The following IL12RB2 variants were observed in gnomAD, a reference collection of about 807,000 sequenced individuals.
The protein encoded by IL12RB2 is interleukin 12 receptor subunit beta 2.
A neutral mutation model predicts 89.4 loss-of-function variants in IL12RB2; 82 were observed. That is an observed-to-expected ratio of 0.92 (90% confidence interval 0.77 to 1.10). The LOEUF (loss-of-function observed/expected upper bound fraction) is 1.10, where lower values mean the gene tolerates loss of function less well. Ranked by LOEUF, IL12RB2 falls within the 50% of genes least tolerant of loss-of-function variation. The pLI is 0.00. For synonymous variants in IL12RB2, 368 were observed against 370.1 expected (o/e 0.99, Z 0.07); for missense variants, 963 against 1,031.9 (o/e 0.93, Z 0.92).
Position 67,372,768 on chromosome 1 carries a change from C to A in IL12RB2, c.1702C>A (p.Gln568Lys). 6.2e-7 allele frequency: 1 copy of A among 1,608,322 alleles called. No homozygotes were observed. Among genetic ancestry groups the A allele is most frequent in the Non-Finnish European group, 8.5e-7 (1 of 1,174,754 alleles). The stretch of plus-strand genomic sequence containing the variant: ...CTGGAAGGAACGGGACTCCAACTCC[C>A]AGCCTCAGCTCTGTGGTATGTGTGA... ...IYWKERDSNSQPQLCEIPYRV... is the reference protein window; with the variant it reads ...IYWKERDSNSKPQLCEIPYRV... The change falls in exon 13 of 17, where the codon CAG becomes AAG. Residue 568 changes from glutamine to lysine, a missense_variant. Coordinates refer to ENST00000674203, the MANE Select transcript of IL12RB2 (RefSeq NM_001374259.2).
intron 13 of IL12RB2, among the ~76,000 whole-genome samples, chr1:67,379,773 T>C (rs907514623): frequency 1.3e-5 from 2 of 151,992 alleles, no homozygotes; most frequent in African/African-American, 4.8e-5. Flanking sequence ...AAAAAATAAT[T>C]TGTTTAATAT....
chr1:67,336,764 G>A (rs1658822296), intron 8 of IL12RB2, among the ~76,000 whole-genome samples: 1 of 152,218 alleles, frequency 6.6e-6, no homozygotes, highest in Admixed American at 6.5e-5. Flanking sequence ...GCAGAGCCAA[G>A]GCTATGGGCT....
chr1:67,318,349 G>A (rs954263907), intron 2 of IL12RB2, among the ~76,000 whole-genome samples: 1 of 152,132 alleles, frequency 6.6e-6, no homozygotes, highest in Non-Finnish European at 1.5e-5. Flanking sequence ...TGGTGTGCAG[G>A]GGGTAACATG....
chr1:67,324,716 C>T lies in IL12RB2; in HGVS notation c.365-2019C>T, dbSNP rs1418394485. Among the ~76,000 whole-genome samples the T allele has an allele frequency of 2.6e-5, 4 of 152,156 alleles. No individual in the cohort carries two copies. In the South Asian group the frequency reaches 8.3e-4, roughly 32 times the overall value. Reference sequence around the variant, plus strand: ...GACTCTCAGACCACCTGTGTGGAGTCTCTGAGAAAAGAGTAAACTATTTTA... The same window carrying T: ...GACTCTCAGACCACCTGTGTGGAGTTTCTGAGAAAAGAGTAAACTATTTTA... On this transcript the variant is annotated intron_variant, in intron 4 of 16. Transcript: ENST00000674203.
chr1:67,390,446 CAA>C (rs1162889376), intron 16 of IL12RB2, among the ~76,000 whole-genome samples: 1 of 141,398 alleles, frequency 7.1e-6, no homozygotes, highest in Non-Finnish European at 1.5e-5. Flanking sequence ...AAGAAGAAAG[CAA>C]ACTTTCCTTT....
At chr1:67,325,753 T>G (rs1657196790) in intron 4 of IL12RB2, among the ~76,000 whole-genome samples, 1 of 152,234 alleles carries the variant, frequency 6.6e-6, no homozygotes, top group African/African-American at 2.4e-5. Context: ...AACAGATTTT[T>G]TCAGTGTAGA....
At chr1:67,329,077 A>G (rs556881558) in intron 6 of IL12RB2, among the ~76,000 whole-genome samples, 1 of 152,312 alleles carries the variant, frequency 6.6e-6, no homozygotes, top group South Asian at 2.1e-4. Flanking sequence ...ATTGGCATTT[A>G]CTATACACTT....
chr1:67,384,333 C>T (rs748324352), intron 14 of IL12RB2, among the ~76,000 whole-genome samples: 3 of 152,274 alleles, frequency 2.0e-5, no homozygotes, highest in Non-Finnish European at 2.9e-5. Flanking sequence ...TATGAAGCAA[C>T]GGCCTGAGCT....
At chr1:67,394,944 A>G (rs7555183) in intron 16 of IL12RB2, among the ~76,000 whole-genome samples, 88,288 of 151,950 alleles carry the variant, frequency 0.58, 27,472 homozygotes, top group Non-Finnish European at 0.69. Flanking sequence ...CTCTGTCCTC[A>G]AGGAAAAGCA....
intron 9 of IL12RB2, among the ~76,000 whole-genome samples, chr1:67,345,339 TGAGA>T (rs1569935966): frequency 6.6e-6 from 1 of 152,234 alleles, no homozygotes; most frequent in African/African-American, 2.4e-5. Context: ...CGGCACAGCC[TGAGA>T]GAGACTGTTG....
At chr1:67,320,466 C>T (rs1428769630) in intron 3 of IL12RB2, 22 bp downstream of exon 3, 2 of 1,613,108 alleles carry the variant, frequency 1.2e-6, no homozygotes, top group Admixed American at 1.7e-5. Flanking sequence ...CTGTAAGTTA[C>T]TCTGTGGAAG....
At chr1:67,335,664 T>G (rs1307464712) in intron 8 of IL12RB2, among the ~76,000 whole-genome samples, 1 of 152,134 alleles carries the variant, frequency 6.6e-6, no homozygotes, top group Non-Finnish European at 1.5e-5. Flanking sequence ...CCTATAATAG[T>G]TTTATCTGTA....
rs183365057 is a variant in IL12RB2 at position 67,327,255 on chromosome 1, G to A, written c.479+406G>A. Among the ~76,000 whole-genome samples the A allele has an allele frequency of 7.9e-5, 12 of 152,130 alleles. No homozygotes were observed. In the East Asian group the frequency reaches 2.3e-3, roughly 29 times the overall value. On this transcript the variant is annotated intron_variant, in intron 5 of 16. Transcript: ENST00000674203. ...ATTACAGGTGTGAGCCACGGTGCCC[G>A]GCCTATCTGTTTTATTTTTACCAGA...
rs752499097 is a variant in IL12RB2, at chr1:67,321,660, C to G, written c.135C>G (p.Ser45=). 1 of 1,601,074 alleles carries G rather than the reference C, an allele frequency of 6.2e-7. No homozygotes were observed. The highest frequency in any genetic ancestry group is 1.1e-5 in the South Asian group (1 of 90,836). Residue 45 remains serine (S), a synonymous_variant, in exon 4 of 17, where the codon TCC becomes TCG. Transcript: ENST00000674203. ...VKPSHVILLG[S]TVNITCSLKP... ...CTTCCCATGTAATTTTACTTGGATC[C>G]ACTGTCAATATTACATGCTCTTTGA...
chr1:67,350,752 T>C, intron 9 of IL12RB2, 118 bp from the exon 10 acceptor site: 4 of 1,542,988 alleles, frequency 2.6e-6, no homozygotes, highest in Non-Finnish European at 3.5e-6. Context: ...TGAGATGATA[T>C]GAACAAAAAG....
chr1:67,367,886 T>C lies in IL12RB2; in HGVS notation c.1320T>C (p.Thr440=). 1.2e-6 allele frequency: 2 copies of C among 1,610,200 alleles called. No individual in the cohort carries two copies. The highest frequency in any genetic ancestry group is 4.5e-5 in the East Asian group (2 of 44,856). ...AGGGCATGGACAACATTCTGGTGAC[T>C]TGGCAGCCTCCCAGGAAAGATCCCT... ...NSEGMDNILV[T]WQPPRKDPSA... is the part of the protein sequence containing the mutation. The change falls in exon 11 of 17, where the codon ACT becomes ACC. Residue 440 remains threonine (T), a synonymous_variant. Transcript: ENST00000674203.
rs61779791 is a variant in IL12RB2, at chr1:67,322,866, A to G, written c.364+977A>G. ...AGCAGCCAGCAGCACACCTACCTGC[A>G]GTTCGCAACCTGTGGCCCATAGCCT... On this transcript the variant is annotated intron_variant, in intron 4 of 16. Coordinates refer to ENST00000674203, the MANE Select transcript of IL12RB2 (RefSeq NM_001374259.2). Among the ~76,000 whole-genome samples, 673 of 152,316 alleles carry G rather than the reference A, an allele frequency of 4.4e-3. 3 individuals carry two copies. Among genetic ancestry groups the G allele is most frequent in the Non-Finnish European group, 7.6e-3 (514 of 68,026 alleles).
chr1:67,379,509 C>CA (rs58494224), intron 13 of IL12RB2, among the ~76,000 whole-genome samples: 2,554 of 68,218 alleles, frequency 0.037, 91 homozygotes, highest in African/African-American at 0.09. Flanking sequence ...GAACCTGTCT[C>CA]AAAAAAAAAA....
intron 14 of IL12RB2, among the ~76,000 whole-genome samples, chr1:67,381,722 C>T (rs1664598056): frequency 6.7e-6 from 1 of 149,652 alleles, no homozygotes; most frequent in Admixed American, 6.7e-5. Flanking sequence ...GCCGAGATGG[C>T]ACCACTGCCC....
Sources: allele counts gnomAD v4.1 joint callset (sites outside exome capture counted in the v4.1 genomes callset), GRCh38; gene constraint gnomAD v4.1.1; transcripts MANE v1.5; gene names NCBI Gene and HGNC (gene_info 2026-07-23, HGNC 2026-07-21).